The following MANBA variants were observed in gnomAD, a reference collection of about 807,000 sequenced individuals.
The protein encoded by MANBA is beta-mannosidase.
A neutral mutation model predicts 111.1 loss-of-function variants in MANBA; 83 were observed. The observed-to-expected ratio is 0.75, with a 90% confidence interval of 0.63 to 0.90. MANBA has a LOEUF of 0.90. MANBA is among the 40% of genes least tolerant of loss of function. MANBA has a pLI of 0.00. For synonymous variants in MANBA, 370 were observed against 378.7 expected (o/e 0.98, Z 0.27); for missense variants, 1,036 against 1,069.0 (o/e 0.97, Z 0.43).
At chr4:102,640,566 TG>T (rs1007154364) in intron 13 of MANBA, among the ~76,000 whole-genome samples, 1 of 152,156 alleles carries the variant, frequency 6.6e-6, no homozygotes, top group Non-Finnish European at 1.5e-5. Context: ...CCGACACATA[TG>T]AATCACATGC....
At position 102,690,638 on chromosome 4, in the gene MANBA, T is replaced by G. The variant is rs151274894; in HGVS notation, c.807A>C (p.Gln269His). Residue 269 changes from glutamine to histidine, a missense_variant, in exon 6 of 17, where the codon CAA becomes CAC. Physicochemically the swap from Gln to His is conservative, Grantham distance 24 (BLOSUM62 0). Coordinates refer to ENST00000647097, the MANE Select transcript of MANBA (RefSeq NM_005908.4). ...ATAGCTCAACAATCCTTTTCCCAGG[T>G]TGAAGTTCAATGCTGTATGTCTGTT... ...QTQQTYSIELQPGKRIVELFV... is the reference protein window; with the variant it reads ...QTQQTYSIELHPGKRIVELFV... 1 of 1,612,832 alleles carries G rather than the reference T, an allele frequency of 6.2e-7. No homozygotes were observed. The highest frequency in any genetic ancestry group is 8.5e-7 in the Non-Finnish European group (1 of 1,179,122).
At chr4:102,674,256 A>G (rs1731624950) in intron 7 of MANBA, among the ~76,000 whole-genome samples, 186 bp from the exon 8 acceptor site, 1 of 152,176 alleles carries the variant, frequency 6.6e-6, no homozygotes, top group Non-Finnish European at 1.5e-5. Context: ...TATTGCTAGC[A>G]TCCGTTATTT....
At chr4:102,671,527 A>C (rs549454260) in intron 8 of MANBA, 129 bp from the exon 9 acceptor site, 1 of 677,718 alleles carries the variant, frequency 1.5e-6, no homozygotes, top group South Asian at 1.7e-5. Context: ...AATGTAAATT[A>C]AAGAAAGTAA....
chr4:102,663,870 A>G (rs1046449744), intron 11 of MANBA, among the ~76,000 whole-genome samples: 1 of 152,202 alleles, frequency 6.6e-6, no homozygotes, highest in Non-Finnish European at 1.5e-5. Context: ...ATATTAACAT[A>G]TGTCTGTATA....
chr4:102,726,804 A>G (rs974025118), intron 1 of MANBA, 121 bp from the exon 2 acceptor site: 1 of 665,572 alleles, frequency 1.5e-6, no homozygotes, highest in African/African-American at 1.8e-5. Flanking sequence ...ACGAACTTTT[A>G]GCCTAGTAGT....
At chr4:102,704,214 T>C (rs1347910537) in intron 5 of MANBA, among the ~76,000 whole-genome samples, 1 of 152,186 alleles carries the variant, frequency 6.6e-6, no homozygotes, top group Non-Finnish European at 1.5e-5. Flanking sequence ...TCTTTCTCCG[T>C]TGCAATTCCC....
intron 1 of MANBA, among the ~76,000 whole-genome samples, chr4:102,743,462 C>A (rs1723483821): frequency 6.6e-6 from 1 of 152,320 alleles, no homozygotes; most frequent in African/African-American, 2.4e-5. Flanking sequence ...GTGGTGCCTG[C>A]ATATCGTGCA....
At chr4:102,717,043 G>T (rs1006129284) in intron 4 of MANBA, among the ~76,000 whole-genome samples, 4 of 151,986 alleles carry the variant, frequency 2.6e-5, no homozygotes, top group Admixed American at 2.6e-4. Flanking sequence ...GTATCTATTT[G>T]TAATTTTTTC....
Position 102,730,212 on chromosome 4 carries a change from G to A in MANBA, c.178-3529C>T, listed in dbSNP as rs1722981583. On this transcript the variant is annotated intron_variant, in intron 1 of 16. Transcript: ENST00000647097. Reference sequence around the variant, plus strand: ...GGGGGCAGGAAGGCCGAACCAGATAGAGATCCCAGAAGGAGTGGAGAAGCT... The same window carrying A: ...GGGGGCAGGAAGGCCGAACCAGATAAAGATCCCAGAAGGAGTGGAGAAGCT... The A allele has an allele frequency of 3.4e-5, 21 of 619,382 alleles. No homozygotes were observed. In the South Asian group the frequency reaches 4.3e-4, roughly 13 times the overall value. 38.4% of individuals were successfully genotyped at this position (619,382 alleles called of 1,614,324 possible).
At chr4:102,736,891 TC>T (rs1170367133) in intron 1 of MANBA, among the ~76,000 whole-genome samples, 1 of 152,186 alleles carries the variant, frequency 6.6e-6, no homozygotes, top group Non-Finnish European at 1.5e-5. Context: ...AACTGTGAGT[TC>T]CCAAAGTGTG....
At chr4:102,643,382 T>C (rs186273235) in intron 13 of MANBA, among the ~76,000 whole-genome samples, 63 of 152,326 alleles carry the variant, frequency 4.1e-4, no homozygotes, top group African/African-American at 1.4e-3. Flanking sequence ...TGCATGAACA[T>C]ATGCTTTCAA....
At chr4:102,738,894 T>G (rs1009049851) in intron 1 of MANBA, among the ~76,000 whole-genome samples, 1 of 152,012 alleles carries the variant, frequency 6.6e-6, no homozygotes, top group Non-Finnish European at 1.5e-5. Flanking sequence ...GAGAAACAGA[T>G]ATCATAAAGA....
At position 102,696,459 on chromosome 4, in the gene MANBA, A is replaced by G. The variant is rs535793950; in HGVS notation, c.674-5688T>C. ...AAAACCTTGACAGGCATTATAAATT[A>G]TATCCCAATCCAAAAAGGCAAATAT... On this transcript the variant is annotated intron_variant, in intron 5 of 16. Coordinates refer to ENST00000647097, the MANE Select transcript of MANBA (RefSeq NM_005908.4). Among the ~76,000 whole-genome samples, 316 of 152,322 alleles carry G rather than the reference A, an allele frequency of 2.1e-3. 1 individual carries two copies. Among genetic ancestry groups the G allele is most frequent in the African/African-American group, 7.4e-3 (306 of 41,580 alleles).
chr4:102,713,896 C>CAAAAAAAAAA (rs987115592), intron 5 of MANBA, among the ~76,000 whole-genome samples: 2 of 68,390 alleles, frequency 2.9e-5, no homozygotes, highest in Admixed American at 1.7e-4. Flanking sequence ...AACTCCATCT[C>CAAAAAAAAAA]AAAAAAAAAA....
At chr4:102,755,882 A>G (rs1365572233) in intron 1 of MANBA, among the ~76,000 whole-genome samples, 1 of 152,254 alleles carries the variant, frequency 6.6e-6, no homozygotes, top group African/African-American at 2.4e-5. Context: ...AATGCTCATC[A>G]TCACTGGCCA....
intron 12 of MANBA, among the ~76,000 whole-genome samples, chr4:102,651,936 CTTAAT>C (rs1024313434): frequency 1.4e-5 from 2 of 145,858 alleles, no homozygotes; most frequent in African/African-American, 5.0e-5. Flanking sequence ...GCTTCCTCCT[CTTAAT>C]TTATTTTATT....
chr4:102,719,200 C>T (rs1360566275), intron 4 of MANBA, among the ~76,000 whole-genome samples: 1 of 152,122 alleles, frequency 6.6e-6, no homozygotes, highest in Non-Finnish European at 1.5e-5. Flanking sequence ...AGACCTACCC[C>T]CAGGAATGCA....
intron 12 of MANBA, among the ~76,000 whole-genome samples, chr4:102,656,752 A>T (rs1384734578): frequency 6.6e-6 from 1 of 152,116 alleles, no homozygotes; most frequent in Non-Finnish European, 1.5e-5. Flanking sequence ...TTCAGCAATA[A>T]AAAAAAGGAA....
intron 1 of MANBA, among the ~76,000 whole-genome samples, chr4:102,739,866 C>A (rs113976958): frequency 0.031 from 4,781 of 152,188 alleles, 215 homozygotes; most frequent in African/African-American, 0.1. Context: ...GAAAGTATTC[C>A]CCCTGAGAAC....
Sources: allele counts gnomAD v4.1 joint callset (sites outside exome capture counted in the v4.1 genomes callset), GRCh38; gene constraint gnomAD v4.1.1; transcripts MANE v1.5; gene names NCBI Gene and HGNC (gene_info 2026-07-23, HGNC 2026-07-21).